Variants in HEMK2 observed in about 807,000 individuals in gnomAD.
HEMK2 encodes the protein methyltransferase HEMK2.
the HEMK2 span, among the ~76,000 whole-genome samples, chr21:28,637,216 T>C: frequency 2.0e-5 from 3 of 152,224 alleles, no homozygotes; most frequent in Non-Finnish European, 4.4e-5. Context: ...ATGTGTGTTA[T>C]GTACTTATCT....
chr21:28,714,808 T>G, the HEMK2 span, among the ~76,000 whole-genome samples: 2 of 152,226 alleles, frequency 1.3e-5, no homozygotes, highest in South Asian at 2.1e-4. Context: ...TCCCCTCTAG[T>G]AGTCCCCAGT....
At chr21:28,807,372 C>T in the HEMK2 span, among the ~76,000 whole-genome samples, 4 of 152,318 alleles carry the variant, frequency 2.6e-5, no homozygotes, top group East Asian at 7.7e-4. Context: ...CTAAATTCTA[C>T]GTCCAGGTCA....
At chr21:28,785,975 C>A in the HEMK2 span, among the ~76,000 whole-genome samples, 1 of 152,172 alleles carries the variant, frequency 6.6e-6, no homozygotes, top group Non-Finnish European at 1.5e-5. Context: ...GTTTATATTC[C>A]TTGTTCACAC....
the HEMK2 span, among the ~76,000 whole-genome samples, chr21:28,855,284 A>C: frequency 1.3e-5 from 2 of 152,248 alleles, no homozygotes; most frequent in Non-Finnish European, 2.9e-5. Context: ...CATAAGGGTA[A>C]AGGATTGAAG....
chr21:28,786,972 C>A, the HEMK2 span, among the ~76,000 whole-genome samples: 2 of 152,044 alleles, frequency 1.3e-5, no homozygotes, highest in Non-Finnish European at 2.9e-5. Flanking sequence ...AGAGCCAAAG[C>A]AAGACTAAGC....
At chr21:28,795,315 C>G in the HEMK2 span, among the ~76,000 whole-genome samples, 1 of 152,148 alleles carries the variant, frequency 6.6e-6, no homozygotes, top group African/African-American at 2.4e-5. Flanking sequence ...CCCAATATCA[C>G]AGAGCCAATA....
chr21:28,607,499 G>A, the HEMK2 span, among the ~76,000 whole-genome samples: 1 of 152,180 alleles, frequency 6.6e-6, no homozygotes, highest in African/African-American at 2.4e-5. Context: ...TGCAGGCAGA[G>A]AAGAGATCAA....
At chr21:28,811,057 C>T in the HEMK2 span, among the ~76,000 whole-genome samples, 1 of 152,076 alleles carries the variant, frequency 6.6e-6, no homozygotes, top group Non-Finnish European at 1.5e-5. Flanking sequence ...AGTGAACCAG[C>T]CTATGCACAG....
At chr21:28,624,675 C>G in the HEMK2 span, among the ~76,000 whole-genome samples, 1 of 152,142 alleles carries the variant, frequency 6.6e-6, no homozygotes, top group Non-Finnish European at 1.5e-5. Flanking sequence ...CTGGAAAGAT[C>G]TGAGAAGAAT....
chr21:28,802,407 T>C, the HEMK2 span, among the ~76,000 whole-genome samples: 2 of 152,098 alleles, frequency 1.3e-5, no homozygotes, highest in African/African-American at 4.8e-5. Context: ...ACCAGTTACA[T>C]AGAGAGGGAG....
At chr21:28,639,723 T>A in the HEMK2 span, among the ~76,000 whole-genome samples, 1 of 152,230 alleles carries the variant, frequency 6.6e-6, no homozygotes, top group African/African-American at 2.4e-5. Context: ...GCTAAGAGAA[T>A]TGAAATAAAT....
At chr21:28,835,357 T>C in the HEMK2 span, among the ~76,000 whole-genome samples, 8 of 152,280 alleles carry the variant, frequency 5.3e-5, no homozygotes, top group Non-Finnish European at 1.0e-4. Context: ...CAGAACTGCG[T>C]AGACTCACTG....
chr21:28,860,456 A>AAT, the HEMK2 span, among the ~76,000 whole-genome samples: 10 of 148,680 alleles, frequency 6.7e-5, no homozygotes, highest in East Asian at 3.9e-4. Context: ...ATATATACAA[A>AAT]ATATATATAT....
the HEMK2 span, among the ~76,000 whole-genome samples, chr21:28,850,324 ACGCCATTCTC>A: frequency 7.0e-6 from 1 of 143,478 alleles, no homozygotes; most frequent in Non-Finnish European, 1.5e-5. Context: ...TCCCAGGCTC[ACGCCATTCTC>A]CTGCCTCAGC....
the HEMK2 span, among the ~76,000 whole-genome samples, chr21:28,627,828 T>C: frequency 6.6e-6 from 1 of 152,302 alleles, no homozygotes; most frequent in East Asian, 1.9e-4. Flanking sequence ...AAATTGAAAG[T>C]ACCACTGATT....
At chr21:28,678,801 A>G in the HEMK2 span, among the ~76,000 whole-genome samples, 5 of 152,240 alleles carry the variant, frequency 3.3e-5, no homozygotes, top group African/African-American at 9.6e-5. Flanking sequence ...ACTAAGCTTC[A>G]TAAGTGAAGG....
At chr21:28,855,004 C>T in the HEMK2 span, among the ~76,000 whole-genome samples, 1 of 152,186 alleles carries the variant, frequency 6.6e-6, no homozygotes, top group African/African-American at 2.4e-5. Context: ...GCAACAAATT[C>T]ACACATACCA....
At chr21:28,795,343 C>G in the HEMK2 span, among the ~76,000 whole-genome samples, 2 of 152,224 alleles carry the variant, frequency 1.3e-5, no homozygotes, top group Non-Finnish European at 2.9e-5. Flanking sequence ...TGCTTCTCTC[C>G]CAGAACCTTT....
the HEMK2 span, among the ~76,000 whole-genome samples, chr21:28,707,444 C>T: frequency 2.1e-4 from 32 of 151,794 alleles, no homozygotes; most frequent in East Asian, 4.6e-3. Context: ...TTTGTATAGA[C>T]GGGATTTCAC....
Sources: allele counts gnomAD v4.1 joint callset (sites outside exome capture counted in the v4.1 genomes callset), GRCh38; gene constraint gnomAD v4.1.1; transcripts MANE v1.5; gene names NCBI Gene and HGNC (gene_info 2026-07-23, HGNC 2026-07-21).